The following ERBB4 variants were observed in gnomAD, a reference collection of about 807,000 sequenced individuals.
The protein encoded by ERBB4 is erb-b2 receptor tyrosine kinase 4, also known as receptor tyrosine-protein kinase erbB-4.
Under a neutral mutation model 158.0 loss-of-function variants are expected in ERBB4, and 42 were observed. The observed-to-expected ratio is 0.27, with a 90% CI of 0.21 to 0.34. ERBB4 has a LOEUF of 0.34. ERBB4 is among the 10% of genes least tolerant of loss of function. The probability of loss-of-function intolerance (pLI) is 1.00; values close to 1 mark genes in which losing one functional copy is unlikely to be tolerated. For synonymous variants in ERBB4, 583 were observed against 558.7 expected (o/e 1.04, Z -0.61); for missense variants, 1,333 against 1,624.1 (o/e 0.82, Z 3.08).
chr2:211,684,466 AAAGAAAAGAAAAGAAAAG>A (rs971333576), intron 12 of ERBB4, among the ~76,000 whole-genome samples: 4 of 151,834 alleles, frequency 2.6e-5, no homozygotes, highest in East Asian at 3.9e-4. Flanking sequence ...TAAAATAAAA[AAAGAAAAGAAAAGAAAAG>A]AAGAAAAGAA....
intron 1 of ERBB4, among the ~76,000 whole-genome samples, chr2:212,293,160 T>TA (rs1290988784): frequency 6.6e-6 from 1 of 151,930 alleles, no homozygotes; most frequent in East Asian, 1.9e-4. Context: ...ACCTAAGAAG[T>TA]AAAAAAATCT....
intron 1 of ERBB4, among the ~76,000 whole-genome samples, chr2:212,433,632 T>C (rs1196420269): frequency 2.6e-5 from 4 of 151,898 alleles, no homozygotes; most frequent in African/African-American, 7.2e-5. Flanking sequence ...AAGAAAAAAA[T>C]AGGTCCTTCG....
rs1203498498 is a variant in ERBB4, at chr2:211,557,937, A to G, written c.2487+3966T>C. On this transcript the variant is annotated intron_variant, in intron 20 of 27. Coordinates refer to ENST00000342788, the MANE Select transcript of ERBB4 (RefSeq NM_005235.3). ...ATATACCTTGGAATACCATGCAGCC[A>G]TAAAATGGACAAGATCATATCCTTT... is the stretch of plus-strand genomic sequence containing the variant. Among the ~76,000 whole-genome samples, 4 of 152,312 alleles carry G rather than the reference A, an allele frequency of 2.6e-5. No individual in the cohort carries two copies. In the East Asian group the frequency reaches 7.7e-4, roughly 29 times the overall value.
intron 1 of ERBB4, among the ~76,000 whole-genome samples, chr2:212,367,445 G>A (rs2089931944): frequency 6.6e-6 from 1 of 152,072 alleles, no homozygotes; most frequent in Admixed American, 6.6e-5. Context: ...ACTCAAGATG[G>A]ATGAAGGACT....
At chr2:212,489,000 C>T (rs895074000) in intron 1 of ERBB4, among the ~76,000 whole-genome samples, 6 of 149,084 alleles carry the variant, frequency 4.0e-5, no homozygotes, top group African/African-American at 1.5e-4. Flanking sequence ...TAGGATACCC[C>T]CCAAAGAAGA....
At chr2:211,523,189 C>T (rs1220999640) in intron 20 of ERBB4, among the ~76,000 whole-genome samples, 1 of 137,008 alleles carries the variant, frequency 7.3e-6, no homozygotes, top group Non-Finnish European at 1.5e-5. Flanking sequence ...TTCACAAGAA[C>T]CAAAAATCAG....
chr2:211,824,879 C>T (rs1355371262), intron 3 of ERBB4, among the ~76,000 whole-genome samples: 2 of 151,882 alleles, frequency 1.3e-5, no homozygotes, highest in Non-Finnish European at 2.9e-5. Flanking sequence ...AATTACCGGA[C>T]TGTAATGAAG....
chr2:211,422,035 C>T lies in ERBB4; in HGVS notation c.2936G>A (p.Arg979Gln), dbSNP rs763644012. The change falls in exon 24 of 28, where the codon CGA becomes CAA. Residue 979 changes from arginine (R) to glutamine (Q), a missense_variant. Transcript: ENST00000342788. ...AATAACTAGGTATCTTTGAGGGTCT[C>T]GAGCCATCCTTGAAAACTCAGCAGC... ...ELAAEFSRMA[R>Q]DPQRYLVIQG... The T allele has an allele frequency of 1.6e-5, 25 of 1,611,442 alleles. No homozygotes were observed. In the East Asian group the frequency reaches 2.2e-4, roughly 14 times the overall value.
chr2:212,496,099 A>C (rs1690553039), intron 1 of ERBB4, among the ~76,000 whole-genome samples: 1 of 152,266 alleles, frequency 6.6e-6, no homozygotes, highest in South Asian at 2.1e-4. Context: ...ATCAAATTGC[A>C]GTTACCAAAC....
intron 4 of ERBB4, among the ~76,000 whole-genome samples, chr2:211,766,580 T>A (rs1159222495): frequency 6.6e-6 from 1 of 152,210 alleles, no homozygotes; most frequent in Non-Finnish European, 1.5e-5. Flanking sequence ...GGAAAATAGT[T>A]CCTTAAGTTC....
intron 3 of ERBB4, among the ~76,000 whole-genome samples, chr2:211,807,812 T>C (rs1264601856): frequency 2.0e-5 from 3 of 152,122 alleles, no homozygotes; most frequent in Admixed American, 2.0e-4. Context: ...TTTAATGATC[T>C]CCATTGTAAC....
chr2:211,837,787 G>A (rs1298874310), intron 3 of ERBB4, among the ~76,000 whole-genome samples: 5 of 152,046 alleles, frequency 3.3e-5, no homozygotes, highest in Non-Finnish European at 5.9e-5. Flanking sequence ...TACTAATGTT[G>A]TCATTTTCTG....
intron 19 of ERBB4, among the ~76,000 whole-genome samples, chr2:211,582,160 T>C (rs540950035): frequency 1.4e-4 from 22 of 152,352 alleles, no homozygotes; most frequent in South Asian, 8.3e-4. Context: ...CAGCATTCAA[T>C]GGTCAATGGT....
In ERBB4 at chr2:211,392,558, CCACACACACACACACACACA is replaced by C. The variant is rs5838261; in HGVS notation, c.3136-4586_3136-4567del. Among the ~76,000 whole-genome samples the C allele has an allele frequency of 1.7e-3, 241 of 141,010 alleles. 2 individuals are homozygous for C. The highest frequency in any genetic ancestry group is 0.017 in the South Asian group (72 of 4,236). The allele number at this position is 141,010 out of a possible 152,430, so 92.5% of individuals were successfully genotyped here. On this transcript the variant is annotated intron_variant, in intron 25 of 27. Transcript: ENST00000342788. The stretch of plus-strand genomic sequence containing the variant: ...ACTTTTTTGAAAAAACTCTCTTACT[CCACACACACACACACACACA>C]CACACACACACACACACACACACCC...
intron 21 of ERBB4, among the ~76,000 whole-genome samples, chr2:211,430,022 G>C (rs982776514): frequency 2.0e-5 from 3 of 148,994 alleles, no homozygotes; most frequent in African/African-American, 7.4e-5. Flanking sequence ...TAAACAAACA[G>C]GCAAAATAGG....
At chr2:212,055,030 T>C (rs1018191982) in intron 2 of ERBB4, among the ~76,000 whole-genome samples, 1 of 151,812 alleles carries the variant, frequency 6.6e-6, no homozygotes, top group Non-Finnish European at 1.5e-5. Context: ...GCATAAAGGG[T>C]CAGGGAATTC....
intron 1 of ERBB4, among the ~76,000 whole-genome samples, chr2:212,350,939 A>G (rs1471515556): frequency 6.6e-6 from 1 of 152,172 alleles, no homozygotes; most frequent in Non-Finnish European, 1.5e-5. Flanking sequence ...CAAATGGAAA[A>G]TGACCTGCAC....
intron 1 of ERBB4, among the ~76,000 whole-genome samples, chr2:212,407,817 A>T (rs1320446024): frequency 6.6e-6 from 1 of 152,058 alleles, no homozygotes; most frequent in African/African-American, 2.4e-5. Flanking sequence ...ATAATTTATA[A>T]AACATAATAT....
chr2:212,167,921 A>G (rs2081396859), intron 1 of ERBB4, among the ~76,000 whole-genome samples: 1 of 152,084 alleles, frequency 6.6e-6, no homozygotes, highest in Non-Finnish European at 1.5e-5. Flanking sequence ...GGGAAACAAC[A>G]CACACCAGGG....
Sources: allele counts gnomAD v4.1 joint callset (sites outside exome capture counted in the v4.1 genomes callset), GRCh38; gene constraint gnomAD v4.1.1; transcripts MANE v1.5; gene names NCBI Gene and HGNC (gene_info 2026-07-23, HGNC 2026-07-21).